Variants in SPG7 observed in about 807,000 individuals in gnomAD.
SPG7 encodes SPG7 matrix AAA peptidase subunit, paraplegin.
A neutral mutation model predicts 81.9 loss-of-function variants in SPG7; 103 were observed. The ratio of observed to expected loss-of-function variants is 1.26; its 90% CI spans 1.07 to 1.48. SPG7 has a LOEUF of 1.48. Ranked by LOEUF, SPG7 falls within the 40% of genes most tolerant of loss-of-function variation. The probability of loss-of-function intolerance (pLI) is 0.00; values close to 1 mark genes in which losing one functional copy is unlikely to be tolerated. For missense variants in SPG7, 1,241 were observed against 1,087.3 expected (o/e 1.14, Z -1.99); for synonymous variants, 534 against 444.2 (o/e 1.20, Z -2.54).
At chr16:89,536,971 TC>T in intron 9 of SPG7, 1 of 1,613,976 alleles carries the variant, frequency 6.2e-7, no homozygotes, top group Non-Finnish European at 8.5e-7. Flanking sequence ...CAAACGATCT[TC>T]TCCACATAAC....
chr16:89,531,651 G>A (rs2058343858), intron 7 of SPG7: 1 of 510,728 alleles, frequency 2.0e-6, no homozygotes, highest in East Asian at 3.7e-5. Context: ...TGGAATTCCA[G>A]GTGTGAGCCA....
In SPG7 at chr16:89,530,693, A is replaced by G. The variant is rs1476574056; in HGVS notation, c.872A>G (p.Lys291Arg). ...GTTCTTTCTGCACAGAATCAGCTTA[A>G]AATGGCTCGTTTCACCATTGTGGAT... ...EGGFSAFNQL[K>R]MARFTIVDGK... Residue 291 changes from lysine (K) to arginine (R), a missense_variant, in exon 7 of 17, where the codon AAA (lysine) becomes AGA (arginine). Coordinates refer to ENST00000645818, the MANE Select transcript of SPG7 (RefSeq NM_003119.4). 14 of 1,614,026 alleles carry G rather than the reference A, an allele frequency of 8.7e-6. No individual in the cohort carries two copies. Among genetic ancestry groups the G allele is most frequent in the East Asian group, 6.7e-5 (3 of 44,886 alleles).
chr16:89,544,800 A>G, intron 10 of SPG7, 28 bp downstream of exon 10: 1 of 1,612,666 alleles, frequency 6.2e-7, no homozygotes. Context: ...AGCCTCTCCC[A>G]CTCCACCTGG....
chr16:89,542,358 TC>T (rs2058506608), intron 9 of SPG7: 3 of 152,262 alleles, frequency 2.0e-5, no homozygotes, highest in Admixed American at 1.3e-4. Context: ...AGCCTCTTGT[TC>T]CTCGTGTCAT....
At position 89,510,535 on chromosome 16, in the gene SPG7, G is replaced by C; in HGVS notation, c.229G>C (p.Gly77Arg). The part of the protein sequence containing the change: ...LLTPTFEGIN[G>R]LLLKQHLVQN... Reference sequence around the variant, plus strand: ...AACCCCTACCTTTGAAGGGATCAACGGATTGTTGTTGAAACAACATTTAGT... The same window carrying C: ...AACCCCTACCTTTGAAGGGATCAACCGATTGTTGTTGAAACAACATTTAGT... The change falls in exon 2 of 17, where the codon GGA becomes CGA. Residue 77 changes from glycine (G) to arginine (R), a missense_variant. Transcript: ENST00000645818. The C allele has an allele frequency of 6.2e-7, 1 of 1,611,560 alleles. No individual in the cohort carries two copies. Among genetic ancestry groups the C allele is most frequent in the Non-Finnish European group, 8.5e-7 (1 of 1,178,994 alleles).
intron 11 of SPG7, chr16:89,547,103 G>A (rs1437682415): frequency 1.2e-5 from 4 of 343,054 alleles, no homozygotes; most frequent in East Asian, 7.0e-5. Context: ...CGGCAAAGCC[G>A]CCTCCCTCTG....
rs752287867 is a variant in SPG7 at position 89,557,744 on chromosome 16, A to G, written c.*651A>G. 3.2e-5 allele frequency: 5 copies of G among 153,976 alleles called. No individual in the cohort carries two copies. Among genetic ancestry groups the G allele is most frequent in the Non-Finnish European group, 5.8e-5 (4 of 69,172 alleles). The allele number at this position is 153,976 out of a possible 1,614,324, so 9.5% of individuals were successfully genotyped here. A position where few individuals can be genotyped will look rare whatever the true frequency, so the allele number is the denominator to read the frequency against. ...AGAATTGTTGAGATACTTTACTAAT[A>G]AACTGTGTAGTTGGAAAATCTACAT... On this transcript the variant is annotated 3_prime_UTR_variant, in exon 17 of 17. Coordinates refer to ENST00000645818, the MANE Select transcript of SPG7 (RefSeq NM_003119.4).
intron 1 of SPG7, chr16:89,508,920 C>T (rs927040317): frequency 7.2e-6 from 4 of 554,518 alleles, no homozygotes; most frequent in East Asian, 4.2e-5. Context: ...CGGTTTCCGG[C>T]GTAGCACTAA....
At position 89,524,125 on chromosome 16, in the gene SPG7, T is replaced by C; in HGVS notation, c.496T>C (p.Ser166Pro). 6.2e-7 allele frequency: 1 copy of C among 1,614,104 alleles called. No homozygotes were observed. Among genetic ancestry groups the C allele is most frequent in the Non-Finnish European group, 8.5e-7 (1 of 1,180,034 alleles). ...TCTCAGCACCAGCGGAGGCAGCATT[T>C]CCTGGAACGACTTTGTCCACGAGAT... is the stretch of plus-strand genomic sequence containing the variant. ...NALSTSGGSISWNDFVHEMLA... is the reference protein window; with the variant it reads ...NALSTSGGSIPWNDFVHEMLA... The change falls in exon 4 of 17, where the codon TCC becomes CCC. Residue 166 changes from serine to proline, a missense_variant. By Grantham distance (74) the Ser-to-Pro change is moderately conservative. Coordinates refer to ENST00000645818, the MANE Select transcript of SPG7 (RefSeq NM_003119.4).
At chr16:89,530,900 G>A (rs898786040) in intron 7 of SPG7, 92 bp downstream of exon 7, 16 of 1,569,480 alleles carry the variant, frequency 1.0e-5, no homozygotes, top group Admixed American at 3.4e-5. Context: ...GAATTCCATC[G>A]ATGACGTGTC....
chr16:89,509,655 C>T (rs951130651), intron 1 of SPG7, among the ~76,000 whole-genome samples: 2 of 151,952 alleles, frequency 1.3e-5, no homozygotes, highest in Non-Finnish European at 2.9e-5. Flanking sequence ...AGGAGCCACT[C>T]TCTGGTGACA....
chr16:89,554,835 T>G (rs901141836), intron 16 of SPG7: 1 of 431,340 alleles, frequency 2.3e-6, no homozygotes, highest in African/African-American at 2.0e-5. Flanking sequence ...TTTGTCAGTT[T>G]TGTTTAATCT....
Position 89,553,027 on chromosome 16 carries a change from C to T in SPG7, c.1828C>T (p.Leu610Phe). The change falls in exon 14 of 17, where the codon CTC (leucine) becomes TTC (phenylalanine). Residue 610 changes from leucine to phenylalanine, a missense_variant. Leu to Phe is a conservative substitution (Grantham distance 22). Transcript: ENST00000645818. ...CGCCGCCCTGGGCTTTGCTCAGATG[C>T]TCCCCAGAGACCAGCACCTCTTCAC... ...TNAALGFAQM[L>F]PRDQHLFTKE... is the part of the protein sequence containing the mutation. 5 of 1,614,040 alleles carry T rather than the reference C, an allele frequency of 3.1e-6. No individual in the cohort carries two copies. The highest frequency in any genetic ancestry group is 4.2e-6 in the Non-Finnish European group (5 of 1,179,956).
intron 9 of SPG7, chr16:89,543,364 T>TTTTTTTTTTTTTTTGTGTC (rs2058523513): frequency 6.8e-6 from 1 of 146,344 alleles, no homozygotes; most frequent in African/African-American, 2.5e-5. Context: ...TTTTTTTTTT[T>TTTTTTTTTTTTTTTGTGTC]GAGAGTCTTG....
chr16:89,508,757 G>T (rs774777439), intron 1 of SPG7, 157 bp downstream of exon 1: 1 of 845,682 alleles, frequency 1.2e-6, no homozygotes, highest in Admixed American at 2.0e-5. Context: ...GGCGCGGAGC[G>T]ACTGTTGGGG....
chr16:89,513,709 C>T (rs2058052843), intron 3 of SPG7, among the ~76,000 whole-genome samples: 1 of 151,470 alleles, frequency 6.6e-6, no homozygotes, highest in Non-Finnish European at 1.5e-5. Flanking sequence ...AACTCAGCTT[C>T]AGGAATGCTT....
At chr16:89,537,598 C>T (rs1297429876) in intron 9 of SPG7, 6 of 938,838 alleles carry the variant, frequency 6.4e-6, no homozygotes, top group Non-Finnish European at 7.6e-6. Context: ...GTGCCACCAT[C>T]ATAGCTCACT....
At chr16:89,509,730 G>A (rs1336087532) in intron 1 of SPG7, among the ~76,000 whole-genome samples, 3 of 151,724 alleles carry the variant, frequency 2.0e-5, no homozygotes, top group African/African-American at 7.3e-5. Context: ...CCTTTCTCCT[G>A]CAGAAGCTTC....
intron 16 of SPG7, chr16:89,555,939 C>G (rs1468070601): frequency 5.0e-6 from 2 of 398,784 alleles, no homozygotes; most frequent in Non-Finnish European, 8.8e-6. Context: ...CCCCAGCCAG[C>G]AGCAGCCGCC....
Sources: gnomAD v4.1 joint callset for allele counts (sites outside exome capture counted in the v4.1 genomes callset) on GRCh38, gnomAD v4.1.1 for gene constraint, MANE v1.5 for transcripts, NCBI Gene and HGNC (gene_info 2026-07-23, HGNC 2026-07-21) for gene names.